Variants in CD36 observed in about 807,000 individuals in gnomAD.
CD36 encodes CD36 molecule (CD36 blood group).
A neutral mutation model predicts 55.2 loss-of-function variants in CD36; 119 were observed. The ratio of observed to expected loss-of-function variants is 2.15; its 90% CI spans 1.86 to 2.51. The LOEUF is 2.51. Ranked by LOEUF, CD36 falls within the 30% of genes most tolerant of loss-of-function variation. The probability of loss-of-function intolerance (pLI) is 0.00; values close to 1 mark genes in which losing one functional copy is unlikely to be tolerated. For synonymous variants in CD36, 186 were observed against 193.6 expected (o/e 0.96, Z 0.33); for missense variants, 819 against 555.5 (o/e 1.47, Z -4.77).
chr7:80,654,005 T>TA (rs1013022399), intron 3 of CD36, among the ~76,000 whole-genome samples: 7 of 152,136 alleles, frequency 4.6e-5, no homozygotes, highest in African/African-American at 1.7e-4. Context: ...TTTCCACCTC[T>TA]AAAAAAATGG....
intron 1 of CD36, among the ~76,000 whole-genome samples, chr7:80,606,504 T>A (rs1792557430): frequency 1.3e-5 from 2 of 152,210 alleles, no homozygotes; most frequent in South Asian, 4.1e-4. Flanking sequence ...TTCATGAAGC[T>A]CATTCATTTC....
intron 1 of CD36, among the ~76,000 whole-genome samples, chr7:80,631,791 A>ATGTT (rs1794086248): frequency 6.6e-6 from 1 of 151,162 alleles, no homozygotes; most frequent in Non-Finnish European, 1.5e-5. Context: ...CCAGAAAAAC[A>ATGTT]TTTCTGGAAG....
Position 80,674,037 on chromosome 7 carries a change from A to AAAAT in CD36, c.1313_1316dup (p.Leu440LysfsTer115), listed in dbSNP as rs753569550. On this transcript the variant is annotated frameshift_variant, in exon 14 of 15. Coordinates refer to ENST00000447544, the MANE Select transcript of CD36 (RefSeq NM_001001548.3). LOFTEE classifies it high-confidence loss of function. Reference sequence around the variant, plus strand: ...CATGTTCAGAAGTCAAGTAACTGGAAAAATAAACCTCCTTGGCCTGATAGA... The same window carrying AAAAT: ...CATGTTCAGAAGTCAAGTAACTGGAAAAATAAATAAACCTCCTTGGCCTGATAGA... 8 of 1,612,346 alleles carry AAAAT rather than the reference A, an allele frequency of 5.0e-6. No homozygotes were observed. The East Asian group carries it at 1.8e-4, about 36-fold the overall frequency.
intron 5 of CD36, chr7:80,662,662 C>T: frequency 5.8e-6 from 2 of 341,954 alleles, no homozygotes; most frequent in Non-Finnish European, 1.1e-5. Context: ...TGCCATGGTG[C>T]TTTGCTGCAC....
intron 3 of CD36, among the ~76,000 whole-genome samples, chr7:80,649,283 G>T (rs753569005): frequency 6.6e-6 from 1 of 152,068 alleles, no homozygotes; most frequent in African/African-American, 2.4e-5. Flanking sequence ...TCTGTAGGAA[G>T]AGCCTAGATG....
intron 1 of CD36, among the ~76,000 whole-genome samples, chr7:80,645,482 A>G (rs112673850): frequency 7.3e-5 from 11 of 151,678 alleles, no homozygotes; most frequent in Non-Finnish European, 1.5e-4. Context: ...AAATACAAAA[A>G]TTAACCAGGC....
chr7:80,653,116 A>G (rs1391373661), intron 3 of CD36, among the ~76,000 whole-genome samples: 1 of 152,192 alleles, frequency 6.6e-6, no homozygotes, highest in Non-Finnish European at 1.5e-5. Context: ...ATCTAATTTC[A>G]TTGTTGGCCA....
intron 8 of CD36, among the ~76,000 whole-genome samples, chr7:80,668,114 G>T (rs1797299950): frequency 6.6e-6 from 1 of 152,106 alleles, no homozygotes; most frequent in Non-Finnish European, 1.5e-5. Context: ...AGCATTTCTG[G>T]AAATAAATTT....
chr7:80,612,612 A>G (rs1181343197), intron 1 of CD36, among the ~76,000 whole-genome samples: 1 of 152,184 alleles, frequency 6.6e-6, no homozygotes, highest in Admixed American at 6.5e-5. Context: ...GGTTAAATAT[A>G]TATACTCAAC....
upstream of CD36, among the ~76,000 whole-genome samples, chr7:80,636,281 CTTA>C (rs1195599174): frequency 6.6e-6 from 1 of 151,918 alleles, no homozygotes; most frequent in Non-Finnish European, 1.5e-5. Flanking sequence ...TCTCTTAGCT[CTTA>C]TTATTACTCT....
chr7:80,635,347 C>G (rs1794332314), upstream of CD36, among the ~76,000 whole-genome samples: 1 of 152,060 alleles, frequency 6.6e-6, no homozygotes, highest in Admixed American at 6.6e-5. Flanking sequence ...AATCTTAGCT[C>G]ACTGCAAACC....
intron 9 of CD36, 87 bp from the exon 10 acceptor site, chr7:80,670,890 C>CTAAGT (rs1424438647): frequency 2.1e-6 from 2 of 947,780 alleles, no homozygotes; most frequent in Non-Finnish European, 3.4e-6. Flanking sequence ...TATGATGTTT[C>CTAAGT]TAAGTTAAAA....
At chr7:80,649,869 G>C (rs1479163957) in intron 3 of CD36, among the ~76,000 whole-genome samples, 5 of 151,942 alleles carry the variant, frequency 3.3e-5, no homozygotes, top group Non-Finnish European at 7.4e-5. Context: ...AACAAACAAA[G>C]AGTACAATCC....
rs896783228 is a variant in CD36 at position 80,672,009 on chromosome 7, A to C, written c.1094A>C (p.Glu365Ala). 7 of 1,608,444 alleles carry C rather than the reference A, an allele frequency of 4.4e-6. No homozygotes were observed. The highest frequency in any genetic ancestry group is 6.0e-6 in the Non-Finnish European group (7 of 1,175,628). The change falls in exon 11 of 15, where the codon GAA becomes GCA. Residue 365 changes from glutamate to alanine, a missense_variant. Glu to Ala is a moderately radical substitution (Grantham distance 107). Transcript: ENST00000447544. ...EPIDGLNPNE[E>A]EHRTYLDIEP... ...ATTGATGGATTAAACCCAAATGAAG[A>C]AGAACATAGGACATACTTGGATATT... is the stretch of plus-strand genomic sequence containing the variant.
intron 1 of CD36, among the ~76,000 whole-genome samples, chr7:80,644,094 T>A (rs1018828100): frequency 6.6e-6 from 1 of 152,214 alleles, no homozygotes. Context: ...TTTACAATTA[T>A]GCATTGCAAA....
In CD36 at chr7:80,674,000, T is replaced by TTACA; in HGVS notation, c.1272_1273insTACA (p.Glu425TyrfsTer130). 1 of 1,612,092 alleles carries TTACA rather than the reference T, an allele frequency of 6.2e-7. No individual in the cohort carries two copies. Among genetic ancestry groups the TTACA allele is most frequent in the African/African-American group, 1.3e-5 (1 of 74,948 alleles). Reference sequence around the variant, plus strand: ...GATTACAGACTGGGACCATTGGTGATGAGAAGGCAAACATGTTCAGAAGTC... The same window carrying TTACA: ...GATTACAGACTGGGACCATTGGTGATTACAGAGAAGGCAAACATGTTCAGAAGTC... On this transcript the variant is annotated frameshift_variant, in exon 14 of 15. Coordinates refer to ENST00000447544, the MANE Select transcript of CD36 (RefSeq NM_001001548.3). LOFTEE classifies it high-confidence loss of function.
intron 1 of CD36, among the ~76,000 whole-genome samples, chr7:80,618,535 AAAG>A (rs1452988231): frequency 2.0e-5 from 3 of 152,190 alleles, no homozygotes; most frequent in Admixed American, 6.6e-5. Context: ...TTGTGAATGC[AAAG>A]AAGAAGTTCT....
chr7:80,669,772 C>A (rs1333063261), intron 8 of CD36, among the ~76,000 whole-genome samples, 181 bp from the exon 9 acceptor site: 4 of 152,176 alleles, frequency 2.6e-5, no homozygotes, highest in Admixed American at 6.5e-5. Flanking sequence ...GCTGGGCTTG[C>A]AGGCATGAGC....
intron 1 of CD36, among the ~76,000 whole-genome samples, chr7:80,609,607 C>A (rs1387453965): frequency 1.3e-5 from 2 of 152,082 alleles, no homozygotes; most frequent in African/African-American, 4.8e-5. Flanking sequence ...ACTAAGAATA[C>A]TTTAGGAATG....
Sources: allele counts gnomAD v4.1 joint callset (sites outside exome capture counted in the v4.1 genomes callset), GRCh38; gene constraint gnomAD v4.1.1; transcripts MANE v1.5; gene names NCBI Gene and HGNC (gene_info 2026-07-23, HGNC 2026-07-21).